Variants in ENTPD1 observed in about 807,000 individuals in gnomAD.
ENTPD1 encodes the protein ATP diphosphohydrolase.
Under a neutral mutation model 57.0 loss-of-function variants are expected in ENTPD1, and 33 were observed. That is an observed-to-expected ratio of 0.58 (90% CI 0.44 to 0.77). ENTPD1 has a LOEUF of 0.77. ENTPD1 is among the 30% of genes least tolerant of loss of function. The probability of loss-of-function intolerance (pLI) is 0.00; values close to 1 mark genes in which losing one functional copy is unlikely to be tolerated. For synonymous variants in ENTPD1, 202 were observed against 218.8 expected, an observed-to-expected ratio of 0.92 and a Z score of 0.68; for missense variants, 501 against 603.4, an observed-to-expected ratio of 0.83 and a Z score of 1.78.
intron 1 of ENTPD1, among the ~76,000 whole-genome samples, chr10:95,769,417 G>A (rs2098105971): frequency 6.6e-6 from 1 of 152,246 alleles, no homozygotes; most frequent in Admixed American, 6.5e-5. Flanking sequence ...ACAAAGTCCT[G>A]AGGAGAAATT....
At chr10:95,774,388 G>A (rs1236023703) in intron 1 of ENTPD1, among the ~76,000 whole-genome samples, 1 of 152,184 alleles carries the variant, frequency 6.6e-6, no homozygotes, top group Non-Finnish European at 1.5e-5. Flanking sequence ...TGGTGTTTTA[G>A]TCATGAAGTC....
At chr10:95,742,318 C>T (rs2098001198) in intron 1 of ENTPD1, among the ~76,000 whole-genome samples, 1 of 151,942 alleles carries the variant, frequency 6.6e-6, no homozygotes, top group African/African-American at 2.4e-5. Context: ...TGGCAATGTT[C>T]CCAAATAAGG....
chr10:95,801,541 CTTTTTATTTTTATTTAT>C (rs905443202), intron 1 of ENTPD1, among the ~76,000 whole-genome samples: 27 of 151,800 alleles, frequency 1.8e-4, no homozygotes, highest in East Asian at 1.5e-3. Flanking sequence ...GTCCTCTATT[CTTTTTATTTTTATTTAT>C]TTTTTATTTT....
chr10:95,694,278 C>G, the ENTPD1 span: 1 of 270,600 alleles, frequency 3.7e-6, no homozygotes, highest in African/African-American at 2.3e-5. Context: ...CCCCAGAGGC[C>G]GGAACTAGAA....
At chr10:95,768,381 T>C (rs544942482) in intron 1 of ENTPD1, among the ~76,000 whole-genome samples, 4 of 152,194 alleles carry the variant, frequency 2.6e-5, no homozygotes, top group Non-Finnish European at 5.9e-5. Flanking sequence ...GTTTTTTTCT[T>C]CTTCAGGGAC....
At position 95,809,346 on chromosome 10, in the gene ENTPD1, C is replaced by A. The variant is rs867118941; in HGVS notation, c.17-13891C>A. 3.9e-4 allele frequency among the ~76,000 whole-genome samples: 58 copies of A among 148,946 alleles called. No individual in the cohort carries two copies. The Middle Eastern group carries it at 0.011, about 28-fold the overall frequency. On this transcript the variant is annotated intron_variant, in intron 1 of 9. Transcript: ENST00000371205. The stretch of plus-strand genomic sequence containing the variant: ...CCCAGATGGGGTGGCCGGGCAGAGG[C>A]GCCCCCCACCCCCAAGACGGGGCGG...
intron 1 of ENTPD1, among the ~76,000 whole-genome samples, chr10:95,725,865 C>T (rs1439569450): frequency 6.6e-6 from 1 of 152,176 alleles, no homozygotes; most frequent in Non-Finnish European, 1.5e-5. Flanking sequence ...TTGGTTGGTA[C>T]ACTTCACATC....
At chr10:95,704,410 G>C in the ENTPD1 span, among the ~76,000 whole-genome samples, 1 of 152,084 alleles carries the variant, frequency 6.6e-6, no homozygotes, top group Non-Finnish European at 1.5e-5. Flanking sequence ...TAAAATAATT[G>C]TTAGAATAAA....
intron 2 of ENTPD1, among the ~76,000 whole-genome samples, chr10:95,825,874 G>A (rs951788747): frequency 2.0e-5 from 3 of 152,176 alleles, no homozygotes; most frequent in African/African-American, 7.2e-5. Flanking sequence ...CACCGTGCCC[G>A]GCTGATACAT....
intron 7 of ENTPD1, among the ~76,000 whole-genome samples, chr10:95,853,380 G>C (rs1339181150): frequency 2.0e-5 from 3 of 152,186 alleles, no homozygotes; most frequent in Non-Finnish European, 4.4e-5. Flanking sequence ...TCTGCAAACA[G>C]GGACAATTTG....
At chr10:95,819,353 A>G (rs892615460) in intron 1 of ENTPD1, among the ~76,000 whole-genome samples, 1 of 151,862 alleles carries the variant, frequency 6.6e-6, no homozygotes, top group African/African-American at 2.4e-5. Context: ...TTTTGTAGAG[A>G]CAGATTTTCA....
intron 1 of ENTPD1, among the ~76,000 whole-genome samples, chr10:95,732,228 A>C (rs1219896832): frequency 1.3e-5 from 2 of 152,212 alleles, no homozygotes; most frequent in Non-Finnish European, 2.9e-5. Context: ...ATGCCAGTAC[A>C]AGGTTGGGGT....
chr10:95,707,368 G>C (rs2097962965), upstream of ENTPD1, among the ~76,000 whole-genome samples: 1 of 152,172 alleles, frequency 6.6e-6, no homozygotes, highest in Admixed American at 6.5e-5. Context: ...AGTGGTACCT[G>C]GGTAGCTCCC....
intron 1 of ENTPD1, among the ~76,000 whole-genome samples, chr10:95,725,455 G>A (rs747403826): frequency 3.3e-5 from 5 of 151,832 alleles, no homozygotes; most frequent in African/African-American, 4.8e-5. Context: ...ATAGCAACTC[G>A]GGATTCTGTT....
chr10:95,699,035 G>A, the ENTPD1 span, among the ~76,000 whole-genome samples: 1 of 152,148 alleles, frequency 6.6e-6, no homozygotes, highest in African/African-American at 2.4e-5. Flanking sequence ...CCAAGGCCGA[G>A]TACAGTGGCT....
At position 95,870,065 on chromosome 10, in the gene ENTPD1, T is replaced by A. The variant is rs2098478744; in HGVS notation, c.*3682T>A. On this transcript the variant is annotated 3_prime_UTR_variant, in exon 10 of 10. Coordinates refer to ENST00000371205, the MANE Select transcript of ENTPD1 (RefSeq NM_001776.6). ...GCTATAGATGCTGTAACATTCTTGC[T>A]ATTATTTATTATATATGACATTATT... 7.1e-6 allele frequency: 7 copies of A among 985,384 alleles called. No individual in the cohort carries two copies. The South Asian group carries it at 3.3e-4, about 46-fold the overall frequency. 61.0% of individuals were successfully genotyped at this position (985,384 alleles called of 1,614,324 possible).
chr10:95,725,501 G>T (rs2097982661), intron 1 of ENTPD1, among the ~76,000 whole-genome samples: 1 of 152,086 alleles, frequency 6.6e-6, no homozygotes, highest in South Asian at 2.1e-4. Context: ...CTAGCAATTT[G>T]TCTGGGATTA....
upstream of ENTPD1, chr10:95,754,772 A>G (rs2098018241): frequency 1.3e-5 from 2 of 152,260 alleles, no homozygotes; most frequent in Admixed American, 6.5e-5. Flanking sequence ...TCCTATAACT[A>G]TAAAGCATTT....
intron 1 of ENTPD1, among the ~76,000 whole-genome samples, chr10:95,718,650 T>A (rs574426785): frequency 6.6e-5 from 10 of 152,326 alleles, no homozygotes; most frequent in African/African-American, 2.2e-4. Flanking sequence ...TTTTTCCTTC[T>A]TCTAATTCTA....
Sources: gnomAD v4.1 joint callset for allele counts (sites outside exome capture counted in the v4.1 genomes callset) on GRCh38, gnomAD v4.1.1 for gene constraint, MANE v1.5 for transcripts, NCBI Gene and HGNC (gene_info 2026-07-23, HGNC 2026-07-21) for gene names.